The following SP1 variants were observed in gnomAD, a reference collection of about 807,000 sequenced individuals.
The protein encoded by SP1 is Sp1 transcription factor, also known as transcription factor Sp1.
In SP1, 6 loss-of-function variants were observed where a neutral mutation model predicts 66.3. That is an observed-to-expected ratio of 0.09 (90% confidence interval 0.05 to 0.18). The LOEUF is 0.18. Among genes scored for constraint, SP1 ranks in the 10% least tolerant of loss-of-function variants. The probability of loss-of-function intolerance (pLI) is 1.00; values close to 1 mark genes in which losing one functional copy is unlikely to be tolerated. For missense variants in SP1, 848 were observed against 964.5 expected, an observed-to-expected ratio of 0.88 and a Z score of 1.60; for synonymous variants, 417 against 360.8, an observed-to-expected ratio of 1.16 and a Z score of -1.77.
In SP1 at chr12:53,411,310, C is replaced by T. The variant is rs1389684658; in HGVS notation, c.*70C>T. 4.0e-6 allele frequency: 5 copies of T among 1,251,666 alleles called. No homozygotes were observed. Among genetic ancestry groups the T allele is most frequent in the East Asian group, 4.7e-5 (2 of 42,824 alleles). The allele number at this position is 1,251,666 out of a possible 1,614,324, so 77.5% of individuals were successfully genotyped here. On this transcript the variant is annotated 3_prime_UTR_variant, in exon 6 of 6. Transcript: ENST00000327443. Reference sequence around the variant, plus strand: ...CCCCGGGATGCAAGGTAGCATGGGTCCAAGAGACATGGAAGAGAGAGCCAT... The same window carrying T: ...CCCCGGGATGCAAGGTAGCATGGGTTCAAGAGACATGGAAGAGAGAGCCAT...
In SP1 at chr12:53,414,415, C is replaced by A. The variant is rs1014243990; in HGVS notation, c.*3175C>A. 1.3e-5 allele frequency: 2 copies of A among 152,598 alleles called. No homozygotes were observed. The highest frequency in any genetic ancestry group is 2.9e-5 in the Non-Finnish European group (2 of 68,038). The allele number at this position is 152,598 out of a possible 1,614,324, so 9.5% of individuals were successfully genotyped here. ...TCCAACTGGCACTCTGTGGGTGCTA[C>A]ACAGAATGCAATTTAATGGATATTT... On this transcript the variant is annotated 3_prime_UTR_variant, in exon 6 of 6. Transcript: ENST00000327443.
In SP1 at chr12:53,412,930, C is replaced by CTG. The variant is rs57242856; in HGVS notation, c.*1726_*1727dup. 9,707 of 147,370 alleles carry CTG rather than the reference C, an allele frequency of 0.066. 366 individuals are homozygous for CTG. Among genetic ancestry groups the CTG allele is most frequent in the African/African-American group, 0.1 (4,155 of 40,006 alleles). 9.1% of individuals were successfully genotyped at this position (147,370 alleles called of 1,614,324 possible). A position where few individuals can be genotyped will look rare whatever the true frequency, so the allele number is the denominator to read the frequency against. On this transcript the variant is annotated 3_prime_UTR_variant, in exon 6 of 6. Transcript: ENST00000327443. ...TGTGAGGAAGTGTGGAAAAATAGCTCTGTGTGTGTGTGTGTGTGTGTGTGT... is the reference window on the plus strand; with the variant it reads ...TGTGAGGAAGTGTGGAAAAATAGCTCTGTGTGTGTGTGTGTGTGTGTGTGTGT...
intron 2 of SP1, 57 bp from the exon 3 acceptor site, chr12:53,382,053 C>A: frequency 2.6e-6 from 4 of 1,530,266 alleles, no homozygotes; most frequent in East Asian, 2.2e-5. Flanking sequence ...GTATACTGCC[C>A]CCTAGGCTGG....
chr12:53,381,605 C>G, intron 1 of SP1, 54 bp from the exon 2 acceptor site: 13 of 1,485,888 alleles, frequency 8.7e-6, no homozygotes, highest in Non-Finnish European at 1.1e-5. Flanking sequence ...ATCCTTCCTA[C>G]TTCATTTCTT....
In SP1 at chr12:53,415,581, A is replaced by AT. The variant is rs1340030561; in HGVS notation, c.*4341_*4342insT. On this transcript the variant is annotated 3_prime_UTR_variant, in exon 6 of 6. Coordinates refer to ENST00000327443, the MANE Select transcript of SP1 (RefSeq NM_138473.3). ...CCAGTCTTCCTTGTCTCTGCTAAGA[A>AT]AGTAGAGGCATGATGATCTGCCTCT... 6.6e-6 allele frequency: 1 copy of AT among 152,304 alleles called. No homozygotes were observed. The highest frequency in any genetic ancestry group is 1.5e-5 in the Non-Finnish European group (1 of 67,992). 9.4% of individuals were successfully genotyped at this position (152,304 alleles called of 1,614,324 possible).
At chr12:53,406,059 T>A (rs1210842348) in intron 3 of SP1, among the ~76,000 whole-genome samples, 2 of 145,560 alleles carry the variant, frequency 1.4e-5, no homozygotes, top group African/African-American at 2.5e-5. Context: ...TCTTGGTATT[T>A]TCTTTCTTTT....
chr12:53,405,920 C>T (rs1015050031), intron 3 of SP1, among the ~76,000 whole-genome samples: 1 of 151,566 alleles, frequency 6.6e-6, no homozygotes, highest in Non-Finnish European at 1.5e-5. Context: ...TTAATGGGTG[C>T]AGCACATCAG....
intron 4 of SP1, among the ~76,000 whole-genome samples, chr12:53,408,924 A>C (rs1229253869): frequency 7.0e-6 from 1 of 143,362 alleles, no homozygotes; most frequent in African/African-American, 2.6e-5. Context: ...CAAACGAACA[A>C]AAAAAAGAAG....
chr12:53,415,990 C>CT lies in SP1; in HGVS notation c.*4751dup, dbSNP rs922820128. On this transcript the variant is annotated 3_prime_UTR_variant, in exon 6 of 6. Coordinates refer to ENST00000327443, the MANE Select transcript of SP1 (RefSeq NM_138473.3). ...ACACCAGTGGCAGCTGCCCCAGGGCCTGCTTCCCCTTCCTAAGTCTGTCAT... is the reference window on the plus strand; with the variant it reads ...ACACCAGTGGCAGCTGCCCCAGGGCCTTGCTTCCCCTTCCTAAGTCTGTCAT... 8 of 152,676 alleles carry CT rather than the reference C, an allele frequency of 5.2e-5. No individual in the cohort carries two copies. The highest frequency in any genetic ancestry group is 1.9e-4 in the African/African-American group (8 of 41,458). 9.5% of individuals were successfully genotyped at this position (152,676 alleles called of 1,614,324 possible).
At chr12:53,409,275 G>T in intron 4 of SP1, 87 bp from the exon 5 acceptor site, 4 of 1,080,032 alleles carry the variant, frequency 3.7e-6, no homozygotes, top group Non-Finnish European at 5.4e-6. Context: ...GGTTAGTTTG[G>T]TGTCGATTGG....
At chr12:53,403,623 G>A (rs1938661735) in intron 3 of SP1, among the ~76,000 whole-genome samples, 1 of 151,648 alleles carries the variant, frequency 6.6e-6, no homozygotes, top group Non-Finnish European at 1.5e-5. Flanking sequence ...CCAAGGTGCT[G>A]GGATTATAGG....
chr12:53,405,694 AGAAGGAAGGAGG>A (rs1269003360), intron 3 of SP1, among the ~76,000 whole-genome samples: 4 of 135,484 alleles, frequency 3.0e-5, no homozygotes, highest in African/African-American at 1.5e-4. Context: ...AGAGAGAGAG[AGAAGGAAGGAGG>A]GAAGGAGGGA....
rs139465140 is a variant in SP1, at chr12:53,399,480, C to T, written c.1676-7105C>T. On this transcript the variant is annotated intron_variant, in intron 3 of 5. Coordinates refer to ENST00000327443, the MANE Select transcript of SP1 (RefSeq NM_138473.3). ...GAGAGTAGCTGGGGCTACAGGCGCC[C>T]GCCACCACATCTGGCTAATTTTTTG... Among the ~76,000 whole-genome samples the T allele has an allele frequency of 3.7e-3, 569 of 152,122 alleles. 2 individuals carry two copies. Among genetic ancestry groups the T allele is most frequent in the African/African-American group, 0.011 (458 of 41,494 alleles).
At chr12:53,405,503 C>T (rs762099053) in intron 3 of SP1, among the ~76,000 whole-genome samples, 1 of 151,844 alleles carries the variant, frequency 6.6e-6, no homozygotes, top group Non-Finnish European at 1.5e-5. Context: ...CCCCATCTCT[C>T]CTAAAAATAC....
intron 3 of SP1, among the ~76,000 whole-genome samples, chr12:53,389,749 T>A (rs182560994): frequency 6.6e-6 from 1 of 152,174 alleles, no homozygotes; most frequent in Non-Finnish European, 1.5e-5. Flanking sequence ...TAGCCGCTGC[T>A]GAATCCTGAA....
intron 3 of SP1, among the ~76,000 whole-genome samples, chr12:53,398,789 G>A (rs1355167084): frequency 6.6e-6 from 1 of 151,814 alleles, no homozygotes; most frequent in African/African-American, 2.4e-5. Context: ...TTTGAGGATG[G>A]GAAAAATAAG....
intron 3 of SP1, among the ~76,000 whole-genome samples, chr12:53,403,683 C>G (rs1421108533): frequency 6.6e-6 from 1 of 152,046 alleles, no homozygotes; most frequent in East Asian, 1.9e-4. Context: ...GATAGAGTTG[C>G]TAACTTGTTT....
intron 3 of SP1, among the ~76,000 whole-genome samples, chr12:53,390,693 A>G (rs1439910098): frequency 6.6e-6 from 1 of 152,154 alleles, no homozygotes; most frequent in Non-Finnish European, 1.5e-5. Context: ...AAAAAAAAAA[A>G]ATCTAAGTGC....
At chr12:53,404,289 T>C (rs1036983387) in intron 3 of SP1, among the ~76,000 whole-genome samples, 62 of 152,058 alleles carry the variant, frequency 4.1e-4, no homozygotes, top group Non-Finnish European at 7.6e-4. Flanking sequence ...ATCAGCACTT[T>C]GGGAGGCCAA....
Sources: gnomAD v4.1 joint callset for allele counts (sites outside exome capture counted in the v4.1 genomes callset) on GRCh38, gnomAD v4.1.1 for gene constraint, MANE v1.5 for transcripts, NCBI Gene and HGNC (gene_info 2026-07-23, HGNC 2026-07-21) for gene names.